The following CCDC92B variants were observed in gnomAD, a reference collection of about 807,000 sequenced individuals.
CCDC92B encodes coiled-coil domain containing 92B.
In CCDC92B, 2 loss-of-function variants were observed where a neutral mutation model predicts 5.6. That is an observed-to-expected ratio of 0.36 (90% CI 0.15 to 1.12). The LOEUF is 1.12. Among genes scored for constraint, CCDC92B ranks in the 50% most tolerant of loss-of-function variants. CCDC92B has a pLI of 0.40. For synonymous variants in CCDC92B, 115 were observed against 122.3 expected (o/e 0.94, Z 0.39); for missense variants, 271 against 262.2 (o/e 1.03, Z -0.23).
rs1016481821 is a variant in CCDC92B at position 2,723,985 on chromosome 17, G to A, written c.*426C>T. 126 of 959,134 alleles carry A rather than the reference G, an allele frequency of 1.3e-4. No individual in the cohort carries two copies. The highest frequency in any genetic ancestry group is 1.9e-4 in the Admixed American group (3 of 15,528). 59.4% of individuals were successfully genotyped at this position (959,134 alleles called of 1,614,324 possible). A position where few individuals can be genotyped will look rare whatever the true frequency, so the allele number is the denominator to read the frequency against. ...GGCGCGGGGGTGGGGGAGGCGGGGG[G>A]TGGGGAGCTAGAGGGCCTGGGGCGC... is the stretch of plus-strand genomic sequence containing the variant. On this transcript the variant is annotated 3_prime_UTR_variant, in exon 4 of 4. Transcript: ENST00000614400.
chr17:2,734,729 C>T (rs2070839104), intron 2 of CCDC92B, among the ~76,000 whole-genome samples: 1 of 151,892 alleles, frequency 6.6e-6, no homozygotes, highest in Non-Finnish European at 1.5e-5. Flanking sequence ...ACCTCGTGAT[C>T]CGCCCGCCTC....
At chr17:2,745,194 T>C (rs111911232) in intron 1 of CCDC92B, among the ~76,000 whole-genome samples, 1 of 151,984 alleles carries the variant, frequency 6.6e-6, no homozygotes. Context: ...CGTATCTGTA[T>C]GTGTGCCTGA....
intron 1 of CCDC92B, chr17:2,748,479 G>A (rs1048890088): frequency 9.6e-5 from 92 of 954,172 alleles, no homozygotes; most frequent in Admixed American, 3.1e-4. Flanking sequence ...CCTGGCTTCC[G>A]TGCAAAGCCA....
At chr17:2,749,271 G>A (rs1000203930) in intron 1 of CCDC92B, 140 bp downstream of exon 1, 1 of 152,240 alleles carries the variant, frequency 6.6e-6, no homozygotes, top group Non-Finnish European at 1.5e-5. Context: ...AGCCCGCCGC[G>A]AGTCCTGTCC....
chr17:2,745,755 C>A (rs1317454865), intron 1 of CCDC92B, among the ~76,000 whole-genome samples: 2 of 152,126 alleles, frequency 1.3e-5, no homozygotes. Flanking sequence ...TTGACCCAGG[C>A]CAGTAACAGT....
intron 1 of CCDC92B, among the ~76,000 whole-genome samples, chr17:2,744,398 C>T (rs1443960198): frequency 6.6e-6 from 1 of 151,706 alleles, no homozygotes; most frequent in Non-Finnish European, 1.5e-5. Context: ...ACTAGGTTGC[C>T]CAGGCTGACC....
intron 1 of CCDC92B, among the ~76,000 whole-genome samples, chr17:2,740,625 T>TG (rs1453844373): frequency 3.3e-5 from 5 of 151,866 alleles, no homozygotes; most frequent in Non-Finnish European, 7.4e-5. Context: ...ATCGTGCTAC[T>TG]GCACTCAAGC....
chr17:2,735,591 C>T (rs1462255115), intron 1 of CCDC92B, among the ~76,000 whole-genome samples: 3 of 152,042 alleles, frequency 2.0e-5, no homozygotes, highest in African/African-American at 4.8e-5. Context: ...CCACCATGCC[C>T]GGCTAATTTT....
At position 2,724,892 on chromosome 17, in the gene CCDC92B, G is replaced by T; in HGVS notation, c.287C>A (p.Ala96Glu). 1.0e-6 allele frequency: 1 copy of T among 985,206 alleles called. No individual in the cohort carries two copies. The highest frequency in any genetic ancestry group is 1.2e-6 in the Non-Finnish European group (1 of 829,822). 61.0% of individuals were successfully genotyped at this position (985,206 alleles called of 1,614,324 possible). ...ELRREVAQREALVSALRCSLR... is the reference protein window; with the variant it reads ...ELRREVAQREELVSALRCSLR... ...GCTGCAGCGCAGCGCGGACACCAGC[G>T]CCTCGCGCTGCGCCACCTCCCGCCG... Residue 96 changes from alanine (A) to glutamate (E), a missense_variant, in exon 4 of 4, where the codon GCG (alanine) becomes GAG (glutamate). Ala to Glu is a moderately radical substitution (Grantham distance 107, BLOSUM62 -1). Coordinates refer to ENST00000614400, the MANE Select transcript of CCDC92B (RefSeq NM_001355573.2). The surrounding 1 kb of genome is among the most constrained non-coding windows in gnomAD (Gnocchi z 5.0).
chr17:2,724,564 G>T lies in CCDC92B; in HGVS notation c.615C>A (p.Asp205Glu). 1 of 982,254 alleles carries T rather than the reference G, an allele frequency of 1.0e-6. No individual in the cohort carries two copies. The allele number at this position is 982,254 out of a possible 1,614,324, so 60.8% of individuals were successfully genotyped here. ...DRGAGALDDADPMPDPALFLY... is the reference protein window; with the variant it reads ...DRGAGALDDAEPMPDPALFLY... ...GGAAGAGCGCGGGGTCGGGCATGGG[G>T]TCGGCGTCGTCGAGGGCGCCGGCCC... The change falls in exon 4 of 4, where the codon GAC (aspartate) becomes GAA (glutamate). Residue 205 changes from aspartate (D) to glutamate (E), a missense_variant. Asp to Glu is a conservative substitution (Grantham distance 45, BLOSUM62 2). Coordinates refer to ENST00000614400, the MANE Select transcript of CCDC92B (RefSeq NM_001355573.2). The surrounding 1 kb of genome is among the most constrained non-coding windows in gnomAD (Gnocchi z 5.0).
At chr17:2,743,019 C>A (rs1294487550) in intron 1 of CCDC92B, among the ~76,000 whole-genome samples, 1 of 152,216 alleles carries the variant, frequency 6.6e-6, no homozygotes, top group Non-Finnish European at 1.5e-5. Flanking sequence ...CCATCGTCAT[C>A]ACCCAAGTCC....
intron 1 of CCDC92B, among the ~76,000 whole-genome samples, chr17:2,742,811 C>T (rs934415855): frequency 2.0e-5 from 3 of 152,182 alleles, no homozygotes; most frequent in African/African-American, 7.2e-5. Flanking sequence ...TTCCCTTCTG[C>T]AAACCAGGTC....
intron 3 of CCDC92B, among the ~76,000 whole-genome samples, chr17:2,726,779 A>G (rs1174045020): frequency 6.6e-6 from 1 of 151,084 alleles, no homozygotes; most frequent in Non-Finnish European, 1.5e-5. Flanking sequence ...ACACCCAGCT[A>G]ATTTATTTTT....
intron 2 of CCDC92B, among the ~76,000 whole-genome samples, chr17:2,731,963 G>C (rs960486977): frequency 6.6e-6 from 1 of 152,240 alleles, no homozygotes; most frequent in African/African-American, 2.4e-5. Flanking sequence ...TGTGAGGTCA[G>C]ATACGCTGTG....
intron 3 of CCDC92B, among the ~76,000 whole-genome samples, chr17:2,727,779 G>A (rs1030169491): frequency 7.9e-5 from 12 of 151,066 alleles, no homozygotes; most frequent in Middle Eastern, 3.4e-3. Context: ...AGCTGAGATC[G>A]CGCCACTGCA....
intron 3 of CCDC92B, 74 bp downstream of exon 3, chr17:2,730,372 G>T (rs2070778244): frequency 3.5e-6 from 3 of 867,554 alleles, no homozygotes; most frequent in Non-Finnish European, 4.2e-6. Flanking sequence ...GAAGGTTTGG[G>T]TCCTGCAAAG....
Position 2,725,032 on chromosome 17 carries a change from C to G in CCDC92B, c.179-32G>C, listed in dbSNP as rs2070709914. 18 of 985,078 alleles carry G rather than the reference C, an allele frequency of 1.8e-5. No individual in the cohort carries two copies. The South Asian group carries it at 7.1e-4, about 39-fold the overall frequency. 61.0% of individuals were successfully genotyped at this position (985,078 alleles called of 1,614,324 possible). A position where few individuals can be genotyped will look rare whatever the true frequency, so the allele number is the denominator to read the frequency against. ...CGGGGCAGAGGCCAGAGGTGACGGT[C>G]TCCCCCTGGCTTGGAACAGAACCTG... is the stretch of plus-strand genomic sequence containing the variant. On this transcript the variant is annotated intron_variant, in intron 3 of 3. Coordinates refer to ENST00000614400, the MANE Select transcript of CCDC92B (RefSeq NM_001355573.2).
intron 1 of CCDC92B, among the ~76,000 whole-genome samples, chr17:2,743,200 C>T (rs1291654433): frequency 3.9e-5 from 6 of 152,232 alleles, no homozygotes; most frequent in Middle Eastern, 3.4e-3. Context: ...GAGGCCGAGG[C>T]GGGAGGATCA....
intron 2 of CCDC92B, among the ~76,000 whole-genome samples, chr17:2,734,472 G>A (rs2070835504): frequency 6.8e-6 from 1 of 147,286 alleles, no homozygotes; most frequent in Admixed American, 7.0e-5. Flanking sequence ...GATCCTAGGA[G>A]TCCTCCACTC....
Sources: allele counts gnomAD v4.1 joint callset (sites outside exome capture counted in the v4.1 genomes callset), GRCh38; gene constraint gnomAD v4.1.1; non-coding constraint Gnocchi (gnomAD v3.1); transcripts MANE v1.5; gene names NCBI Gene and HGNC (gene_info 2026-07-23, HGNC 2026-07-21).